PRKAR1B: variants seen among roughly 807,000 people sequenced by gnomAD.
PRKAR1B encodes cAMP-dependent protein kinase type I-beta regulatory subunit.
PRKAR1B carries 22 observed loss-of-function variants against 46.5 expected under a neutral mutation model. That is an observed-to-expected ratio of 0.47 (90% confidence interval 0.34 to 0.68). The LOEUF (loss-of-function observed/expected upper bound fraction) is 0.68. Among genes scored for constraint, PRKAR1B ranks in the 30% least tolerant of loss-of-function variants. The pLI, the probability that PRKAR1B is intolerant of heterozygous loss-of-function variation, is 0.01. For synonymous variants in PRKAR1B, 259 were observed against 217.7 expected, an observed-to-expected ratio of 1.19 and a Z score of -1.67; for missense variants, 445 against 535.6, an observed-to-expected ratio of 0.83 and a Z score of 1.67.
intron 2 of PRKAR1B, among the ~76,000 whole-genome samples, chr7:695,556 G>T (rs905270389): frequency 1.3e-5 from 2 of 152,222 alleles, no homozygotes; most frequent in East Asian, 3.8e-4. Flanking sequence ...AAGTGAGATG[G>T]GCGAGGTCAC....
At chr7:693,476 C>T (rs1182681018) in intron 2 of PRKAR1B, among the ~76,000 whole-genome samples, 1 of 151,946 alleles carries the variant, frequency 6.6e-6, no homozygotes, top group African/African-American at 2.4e-5. Context: ...CCTGTTCCTG[C>T]TACTTCACAG....
chr7:684,534 C>T (rs140786009), intron 2 of PRKAR1B, among the ~76,000 whole-genome samples: 4 of 152,146 alleles, frequency 2.6e-5, no homozygotes, highest in East Asian at 3.8e-4. Flanking sequence ...AGACGAAGTA[C>T]GCAGCAGCCC....
intron 4 of PRKAR1B, among the ~76,000 whole-genome samples, chr7:630,286 C>T (rs905236828): frequency 9.2e-5 from 14 of 152,318 alleles, no homozygotes; most frequent in African/African-American, 2.6e-4. Context: ...CCTGAGGGCT[C>T]GGCCAGCCCC....
intron 7 of PRKAR1B, among the ~76,000 whole-genome samples, chr7:587,400 G>A (rs186810501): frequency 5.1e-4 from 77 of 152,358 alleles, no homozygotes; most frequent in Middle Eastern, 6.8e-3. Context: ...GGCCGAGGAG[G>A]AGGAGAAAGT....
chr7:617,995 G>A (rs1782926054), intron 4 of PRKAR1B, among the ~76,000 whole-genome samples: 1 of 152,102 alleles, frequency 6.6e-6, no homozygotes, highest in South Asian at 2.1e-4. Flanking sequence ...GGAAGCAGAG[G>A]CCCCACCCAC....
chr7:709,792 G>A (rs1780526272), intron 2 of PRKAR1B, among the ~76,000 whole-genome samples: 1 of 152,020 alleles, frequency 6.6e-6, no homozygotes, highest in African/African-American at 2.4e-5. Context: ...CTCAGCCCCT[G>A]GGTAGCTGGG....
At chr7:610,643 A>G (rs1782428887) in intron 4 of PRKAR1B, among the ~76,000 whole-genome samples, 1 of 152,178 alleles carries the variant, frequency 6.6e-6, no homozygotes, top group Non-Finnish European at 1.5e-5. Context: ...AGGTGAGGTC[A>G]GCTCTGTCCA....
intron 2 of PRKAR1B, among the ~76,000 whole-genome samples, chr7:696,049 G>A (rs559193192): frequency 6.8e-6 from 1 of 146,176 alleles, no homozygotes; most frequent in Non-Finnish European, 1.5e-5. Flanking sequence ...GCTCACTGCA[G>A]CCTCGACCAC....
chr7:719,335 C>T (rs917530106), intron 1 of PRKAR1B, among the ~76,000 whole-genome samples: 6 of 152,040 alleles, frequency 3.9e-5, no homozygotes, highest in African/African-American at 4.8e-5. Flanking sequence ...CCATTGTGCC[C>T]GGCCATAATT....
In PRKAR1B at chr7:599,455, A is replaced by C. The variant is rs569021819; in HGVS notation, c.550-3151T>G. Among the ~76,000 whole-genome samples, 3 of 151,294 alleles carry C rather than the reference A, an allele frequency of 2.0e-5. No individual in the cohort carries two copies. The South Asian group carries it at 6.3e-4, about 32-fold the overall frequency. On this transcript the variant is annotated intron_variant, in intron 6 of 10. Coordinates refer to ENST00000537384, the MANE Select transcript of PRKAR1B (RefSeq NM_001164760.2). ...AGGCAACTGCCACCACGCCCGGCTA[A>C]TTTTGTATTTTTAGTAGAGACGGGG...
intron 2 of PRKAR1B, among the ~76,000 whole-genome samples, chr7:682,030 G>A (rs1778712141): frequency 6.6e-6 from 1 of 152,102 alleles, no homozygotes; most frequent in South Asian, 2.1e-4. Flanking sequence ...AAGGGTGAAT[G>A]AAGTAAGGGG....
intron 2 of PRKAR1B, among the ~76,000 whole-genome samples, chr7:698,583 C>G (rs1371335760): frequency 6.6e-6 from 1 of 151,850 alleles, no homozygotes; most frequent in Admixed American, 6.6e-5. Context: ...CAGAGAGGTA[C>G]ATGCATGTGA....
At chr7:558,888 G>T (rs1310841333) in intron 9 of PRKAR1B, among the ~76,000 whole-genome samples, 1 of 152,232 alleles carries the variant, frequency 6.6e-6, no homozygotes, top group Non-Finnish European at 1.5e-5. Context: ...CGGCTCAGAG[G>T]TCAGTCGGAT....
chr7:590,411 G>A (rs2128452706), intron 7 of PRKAR1B, among the ~76,000 whole-genome samples: 1 of 152,286 alleles, frequency 6.6e-6, no homozygotes, highest in Admixed American at 6.5e-5. Context: ...CACTGACCTT[G>A]CCACTCCAAC....
At chr7:603,563 G>A (rs1187006412) in intron 6 of PRKAR1B, among the ~76,000 whole-genome samples, 1 of 150,464 alleles carries the variant, frequency 6.6e-6, no homozygotes, top group East Asian at 1.9e-4. Context: ...AAACATCCAG[G>A]AAGGAGACGG....
chr7:676,965 G>A (rs1167493292), intron 4 of PRKAR1B, among the ~76,000 whole-genome samples: 1 of 149,258 alleles, frequency 6.7e-6, no homozygotes, highest in Non-Finnish European at 1.5e-5. Context: ...GAGGGTGGTG[G>A]TGACTCCCGG....
At chr7:635,351 C>T (rs939089502) in intron 4 of PRKAR1B, among the ~76,000 whole-genome samples, 4 of 152,232 alleles carry the variant, frequency 2.6e-5, no homozygotes, top group South Asian at 2.1e-4. Context: ...GTCATGTTCG[C>T]GCCCAGGCAG....
chr7:712,433 G>A (rs1296984086), intron 1 of PRKAR1B: 1 of 149,218 alleles, frequency 6.7e-6, no homozygotes, highest in East Asian at 2.0e-4. Context: ...CGGCGCCCGA[G>A]GCCAGGAGGC....
At chr7:689,662 A>T (rs1362971289) in intron 2 of PRKAR1B, among the ~76,000 whole-genome samples, 4 of 150,618 alleles carry the variant, frequency 2.7e-5, no homozygotes, top group Non-Finnish European at 4.4e-5. Flanking sequence ...GAGAGCCTGC[A>T]TATAAAAAAA....
Sources: gnomAD v4.1 joint callset for allele counts (sites outside exome capture counted in the v4.1 genomes callset) on GRCh38, gnomAD v4.1.1 for gene constraint, MANE v1.5 for transcripts, NCBI Gene and HGNC (gene_info 2026-07-23, HGNC 2026-07-21) for gene names.